PCDHGA7: variants seen among roughly 807,000 people sequenced by gnomAD.
The protein encoded by PCDHGA7 is protocadherin gamma subfamily A, 7, also known as protocadherin gamma-A7.
A neutral mutation model predicts 58.3 loss-of-function variants in PCDHGA7; 44 were observed. The observed-to-expected ratio is 0.75, with a 90% CI of 0.59 to 0.97. The LOEUF is 0.97. Among genes scored for constraint, PCDHGA7 ranks in the 50% least tolerant of loss-of-function variants. The probability of loss-of-function intolerance (pLI) is 0.00; values close to 1 mark genes in which losing one functional copy is unlikely to be tolerated. For synonymous variants in PCDHGA7, 516 were observed against 504.2 expected, an observed-to-expected ratio of 1.02 and a Z score of -0.31; for missense variants, 1,266 against 1,188.7, an observed-to-expected ratio of 1.06 and a Z score of -0.96.
rs1255512461 is a variant in PCDHGA7 at position 141,395,116 on chromosome 5, T to A, written c.2424+9793T>A. 1.2e-6 allele frequency: 2 copies of A among 1,614,098 alleles called. No homozygotes were observed. Among genetic ancestry groups the A allele is most frequent in the African/African-American group, 1.3e-5 (1 of 74,932 alleles). Reference sequence around the variant, plus strand: ...ACCGCCGACTCGCGGAAGAGTCACCTGATCTTTCCCCAGCCCAACTACGCA... The same window carrying A: ...ACCGCCGACTCGCGGAAGAGTCACCAGATCTTTCCCCAGCCCAACTACGCA... On this transcript the variant is annotated intron_variant, in intron 1 of 3. Coordinates refer to ENST00000518325, the MANE Select transcript of PCDHGA7 (RefSeq NM_018920.4).
rs527630741 is a variant in PCDHGA7, at chr5:141,493,568, G to A, written c.2425-1239G>A. ...TTGGAGATTGAGTTCCCCCAGCTCC[G>A]TTTCCTCCTATCACAATCACTGCAT... is the stretch of plus-strand genomic sequence containing the variant. On this transcript the variant is annotated intron_variant, in intron 1 of 3. Coordinates refer to ENST00000518325, the MANE Select transcript of PCDHGA7 (RefSeq NM_018920.4). This position sits in a 1 kb window ranked among gnomAD's most constrained non-coding sequence, Gnocchi z 4.3. 3.9e-5 allele frequency among the ~76,000 whole-genome samples: 6 copies of A among 152,250 alleles called. No homozygotes were observed. Among genetic ancestry groups the A allele is most frequent in the African/African-American group, 9.6e-5 (4 of 41,550 alleles).
chr5:141,463,590 A>G (rs975534405), intron 1 of PCDHGA7, among the ~76,000 whole-genome samples: 3 of 151,848 alleles, frequency 2.0e-5, no homozygotes, highest in African/African-American at 7.3e-5. Flanking sequence ...CTGGGACTAC[A>G]GGTGCCTGCC....
At chr5:141,497,272 T>G (rs568198729) in intron 2 of PCDHGA7, among the ~76,000 whole-genome samples, 20 of 152,254 alleles carry the variant, frequency 1.3e-4, no homozygotes, top group African/African-American at 4.3e-4. Flanking sequence ...CTAGGCCATT[T>G]ATGTTCCCTC....
chr5:141,409,669 C>A, intron 1 of PCDHGA7: 1 of 1,613,528 alleles, frequency 6.2e-7, no homozygotes, highest in Non-Finnish European at 8.5e-7. Context: ...ACATCTCCTA[C>A]TCTATAGTGG....
chr5:141,438,627 TATATATATACAC>T (rs1324653166), intron 1 of PCDHGA7, among the ~76,000 whole-genome samples: 191 of 47,978 alleles, frequency 4.0e-3, no homozygotes, highest in African/African-American at 0.016. Flanking sequence ...TATATATATA[TATATATATACAC>T]ACACACACAC....
intron 1 of PCDHGA7, among the ~76,000 whole-genome samples, chr5:141,470,151 CT>C (rs746135943): frequency 7.2e-5 from 11 of 152,164 alleles, no homozygotes; most frequent in Non-Finnish European, 1.6e-4. Flanking sequence ...CATAGATCAT[CT>C]TATCAAATCA....
rs771088007 is a variant in PCDHGA7 at position 141,423,000 on chromosome 5, G to T, written c.2424+37677G>T. On this transcript the variant is annotated intron_variant, in intron 1 of 3. Coordinates refer to ENST00000518325, the MANE Select transcript of PCDHGA7 (RefSeq NM_018920.4). ...CGGAACCTGGCTACCTGGTGACCAA[G>T]GTGGTTGCGGTGGACAAAGATTCAG... The T allele has an allele frequency of 2.5e-6, 4 of 1,614,116 alleles. No individual in the cohort carries two copies. The African/African-American group carries it at 5.3e-5, about 22-fold the overall frequency.
chr5:141,384,037 G>T lies in PCDHGA7; in HGVS notation c.1138G>T (p.Gly380Cys), dbSNP rs759701397. Residue 380 changes from glycine to cysteine, a missense_variant, in exon 1 of 4, where the codon GGT (glycine) becomes TGT (cysteine). Gly to Cys is a radical substitution (Grantham distance 159, BLOSUM62 -3). Coordinates refer to ENST00000518325, the MANE Select transcript of PCDHGA7 (RefSeq NM_018920.4). Reference protein sequence around the residue: ...YLQDRDSGKNGEVTCTIPENL... With the variant: ...YLQDRDSGKNCEVTCTIPENL... ...ACAAGACAGAGATTCTGGAAAGAAT[G>T]GTGAGGTGACCTGCACCATTCCAGA... 6.2e-7 allele frequency: 1 copy of T among 1,613,004 alleles called. No homozygotes were observed. The highest frequency in any genetic ancestry group is 1.7e-5 in the Admixed American group (1 of 59,904).
Position 141,511,002 on chromosome 5 carries a change from C to A in PCDHGA7, c.2628C>A (p.Ser876Arg), listed in dbSNP as rs143630962. The change falls in exon 4 of 4, where the codon AGC becomes AGA. Residue 876 changes from serine to arginine, a missense_variant. Physicochemically the swap from Ser to Arg is moderately radical, Grantham distance 110. Transcript: ENST00000518325. Reference protein sequence around the residue: ...LGGGAGTMGLSARYGPQFTLQ... With the variant: ...LGGGAGTMGLRARYGPQFTLQ... ...GGGGTGCCGGCACCATGGGATTGAG[C>A]GCCCGCTACGGACCCCAGTTCACCC... The A allele has an allele frequency of 8.7e-6, 14 of 1,614,140 alleles. No homozygotes were observed. The highest frequency in any genetic ancestry group is 1.2e-5 in the Non-Finnish European group (14 of 1,180,018).
intron 1 of PCDHGA7, among the ~76,000 whole-genome samples, chr5:141,463,725 C>A (rs1259646105): frequency 6.6e-6 from 1 of 152,026 alleles, no homozygotes. Flanking sequence ...GGATTACAGG[C>A]ATGAGCCACC....
intron 1 of PCDHGA7, chr5:141,414,643 C>G (rs765652709): frequency 1.2e-6 from 2 of 1,613,942 alleles, no homozygotes; most frequent in Non-Finnish European, 8.5e-7. Flanking sequence ...AGAGAATGCC[C>G]AGATTATTTA....
chr5:141,400,734 G>A, intron 1 of PCDHGA7: 1 of 634,548 alleles, frequency 1.6e-6, no homozygotes, highest in Non-Finnish European at 2.7e-6. Flanking sequence ...AAAGTAGTGA[G>A]AGTTTGCTCT....
chr5:141,472,337 C>T (rs1327386198), intron 1 of PCDHGA7, among the ~76,000 whole-genome samples: 1 of 151,764 alleles, frequency 6.6e-6, no homozygotes, highest in Non-Finnish European at 1.5e-5. Context: ...GTTGGGAGAT[C>T]GAGACCATCC....
chr5:141,415,740 GTTTTTTTTTTTTTTTTTT>G (rs57426385), intron 1 of PCDHGA7: 9 of 625,028 alleles, frequency 1.4e-5, no homozygotes, highest in African/African-American at 5.0e-5. Flanking sequence ...GTTTATTAAG[GTTTTTTTTTTTTTTTTTT>G]TTTTTTTTTT....
At chr5:141,438,605 T>TAC (rs2098010130) in intron 1 of PCDHGA7, among the ~76,000 whole-genome samples, 1 of 27,802 alleles carries the variant, frequency 3.6e-5, no homozygotes. Flanking sequence ...TATATATATA[T>TAC]ATATATATAT....
chr5:141,509,308 C>G (rs943174290), intron 3 of PCDHGA7, among the ~76,000 whole-genome samples: 6 of 152,152 alleles, frequency 3.9e-5, no homozygotes, highest in African/African-American at 1.4e-4. Flanking sequence ...CAGAGGGAGG[C>G]TGGGAGAGAA....
intron 1 of PCDHGA7, among the ~76,000 whole-genome samples, chr5:141,459,971 A>G (rs1458539493): frequency 2.6e-5 from 4 of 152,208 alleles, no homozygotes; most frequent in Non-Finnish European, 5.9e-5. Flanking sequence ...CCAGCTACTC[A>G]GGAGGCTGAG....
rs1036126623 is a variant in PCDHGA7 at position 141,410,753 on chromosome 5, T to C, written c.2424+25430T>C. The stretch of plus-strand genomic sequence containing the variant: ...AGCTTTTTACAATATTTTCTCAATG[T>C]TTTTTCAATTATAGTTTTCACTATG... On this transcript the variant is annotated intron_variant, in intron 1 of 3. Coordinates refer to ENST00000518325, the MANE Select transcript of PCDHGA7 (RefSeq NM_018920.4). 2.4e-6 allele frequency: 3 copies of C among 1,229,812 alleles called. No homozygotes were observed. In the Admixed American group the frequency reaches 8.8e-5, roughly 36 times the overall value. The allele number at this position is 1,229,812 out of a possible 1,614,324, so 76.2% of individuals were successfully genotyped here. A position where few individuals can be genotyped will look rare whatever the true frequency, so the allele number is the denominator to read the frequency against.
At chr5:141,500,026 T>G (rs1297397353) in intron 2 of PCDHGA7, among the ~76,000 whole-genome samples, 1 of 151,974 alleles carries the variant, frequency 6.6e-6, no homozygotes, top group Non-Finnish European at 1.5e-5. Flanking sequence ...TATATTTGAG[T>G]GAGTGTCTCT....
Sources: allele counts gnomAD v4.1 joint callset (sites outside exome capture counted in the v4.1 genomes callset), GRCh38; gene constraint gnomAD v4.1.1; non-coding constraint Gnocchi (gnomAD v3.1); transcripts MANE v1.5; gene names NCBI Gene and HGNC (gene_info 2026-07-23, HGNC 2026-07-21).